Variants in ACSM3 observed in about 807,000 individuals in gnomAD.
ACSM3 encodes the protein acyl-coenzyme A synthetase ACSM3, mitochondrial.
In ACSM3, 61 loss-of-function variants were observed where a neutral mutation model predicts 74.1. That is an observed-to-expected ratio of 0.82 (90% CI 0.67 to 1.02). The LOEUF (loss-of-function observed/expected upper bound fraction) is 1.02, where lower values mean the gene tolerates loss of function less well. ACSM3 is among the 50% of genes least tolerant of loss of function. The pLI is 0.00. For synonymous variants in ACSM3, 213 were observed against 241.5 expected, an observed-to-expected ratio of 0.88 and a Z score of 1.09; for missense variants, 660 against 697.0, an observed-to-expected ratio of 0.95 and a Z score of 0.60.
intron 1 of ACSM3, among the ~76,000 whole-genome samples, chr16:20,712,118 C>A (rs1475951108): frequency 6.6e-6 from 1 of 152,132 alleles, no homozygotes; most frequent in African/African-American, 2.4e-5. Context: ...CCCAGCCTCG[C>A]AAGTAGCTGG....
chr16:20,744,261 T>C (rs1211517421), intron 1 of ACSM3, among the ~76,000 whole-genome samples: 1 of 152,218 alleles, frequency 6.6e-6, no homozygotes, highest in African/African-American at 2.4e-5. Flanking sequence ...CCATACATAG[T>C]GAACTATAAC....
At chr16:20,777,996 T>G (rs979505107) in intron 4 of ACSM3, among the ~76,000 whole-genome samples, 1 of 152,152 alleles carries the variant, frequency 6.6e-6, no homozygotes, top group Non-Finnish European at 1.5e-5. Context: ...ATACCCACAT[T>G]GATCAGTAAT....
chr16:20,737,894 G>T, intron 1 of ACSM3: 1 of 1,613,514 alleles, frequency 6.2e-7, no homozygotes, highest in Non-Finnish European at 8.5e-7. Flanking sequence ...AAAATAACTC[G>T]AGTCTTCTTT....
chr16:20,776,592 C>A (rs2080258487), intron 3 of ACSM3, among the ~76,000 whole-genome samples: 1 of 152,194 alleles, frequency 6.6e-6, no homozygotes, highest in Non-Finnish European at 1.5e-5. Context: ...ATACCCAAAG[C>A]TTACTGAGCA....
In ACSM3 at chr16:20,777,581, G is replaced by A; in HGVS notation, c.638+1G>A. On this transcript the variant is annotated splice_donor_variant, in intron 4 of 13. Transcript: ENST00000289416. LOFTEE classifies it high-confidence loss of function. The stretch of plus-strand genomic sequence containing the variant: ...GGGGGAACCTCAAGGAGTTGATGAA[G>A]TGAGTAGCCACACTTGTTGTAAAAC... The A allele has an allele frequency of 6.2e-7, 1 of 1,611,942 alleles. No homozygotes were observed. The highest frequency in any genetic ancestry group is 8.5e-7 in the Non-Finnish European group (1 of 1,178,232).
At chr16:20,701,634 C>T (rs917968812) in intron 1 of ACSM3, among the ~76,000 whole-genome samples, 9 of 152,130 alleles carry the variant, frequency 5.9e-5, no homozygotes, top group African/African-American at 1.9e-4. Flanking sequence ...ATCAATCCGT[C>T]ATCTAGGTTT....
chr16:20,773,287 G>T (rs546175938), intron 2 of ACSM3, among the ~76,000 whole-genome samples: 2 of 151,910 alleles, frequency 1.3e-5, no homozygotes, highest in South Asian at 4.2e-4. Flanking sequence ...CTAAAGATTT[G>T]TCTATTTTGT....
chr16:20,685,188 C>A, intron 1 of ACSM3: 1 of 1,614,178 alleles, frequency 6.2e-7, no homozygotes, highest in African/African-American at 1.3e-5. Context: ...TCTTGCATCA[C>A]TGACCTGTTC....
intron 1 of ACSM3, among the ~76,000 whole-genome samples, chr16:20,729,023 G>C (rs530719038): frequency 6.6e-6 from 1 of 152,316 alleles, no homozygotes; most frequent in African/African-American, 2.4e-5. Context: ...CGACAGGATT[G>C]CTACAGCCTG....
intron 1 of ACSM3, among the ~76,000 whole-genome samples, chr16:20,686,443 G>A (rs1431505907): frequency 1.3e-5 from 2 of 152,014 alleles, no homozygotes; most frequent in Non-Finnish European, 2.9e-5. Context: ...CACAGGCAGG[G>A]GAACAACACA....
chr16:20,767,409 C>T lies in ACSM3; in HGVS notation c.-51-2575C>T, dbSNP rs2152452587. On this transcript the variant is annotated intron_variant, in intron 1 of 13. Coordinates refer to ENST00000289416, the MANE Select transcript of ACSM3 (RefSeq NM_005622.4). ...GCGGGCGCCTGTAGTCCCAGCTACT[C>T]GGGAGGCTGAGGCAGGAGAATGGCG... 3.7e-5 allele frequency among the ~76,000 whole-genome samples: 2 copies of T among 54,780 alleles called. 1 individual carries two copies. The highest frequency in any genetic ancestry group is 1.3e-4 in the African/African-American group (2 of 15,380). The allele number at this position is 54,780 out of a possible 152,430, so 35.9% of individuals were successfully genotyped here.
At chr16:20,675,865 C>T (rs1318021396) in intron 1 of ACSM3, among the ~76,000 whole-genome samples, 3 of 152,196 alleles carry the variant, frequency 2.0e-5, no homozygotes, top group African/African-American at 4.8e-5. Flanking sequence ...GCTGCGCTGG[C>T]GGCTACGGAG....
intron 8 of ACSM3, 60 bp from the exon 9 acceptor site, chr16:20,786,018 T>C (rs1483734623): frequency 8.3e-7 from 1 of 1,200,800 alleles, no homozygotes; most frequent in Non-Finnish European, 1.2e-6. Context: ...GAATGCATGA[T>C]AGATGAATAA....
chr16:20,777,277 C>T, intron 3 of ACSM3, 96 bp from the exon 4 acceptor site: 2 of 1,161,854 alleles, frequency 1.7e-6, no homozygotes, highest in Non-Finnish European at 2.4e-6. Context: ...CTAACTCACT[C>T]TGAGAAATAC....
intron 1 of ACSM3, among the ~76,000 whole-genome samples, chr16:20,707,221 C>G (rs969677087): frequency 6.6e-6 from 1 of 152,210 alleles, no homozygotes; most frequent in Non-Finnish European, 1.5e-5. Context: ...AATCTCAACT[C>G]CAACTTAGCT....
rs570289227 is a variant in ACSM3 at position 20,793,978 on chromosome 16, G to A, written c.1554+1643G>A. On this transcript the variant is annotated intron_variant, in intron 12 of 13. Transcript: ENST00000289416. ...TGGGTTGTGGTCCCCTCACAGCTCC[G>A]GGGGCTTGGCATAGGGCTTGGATTA... is the stretch of plus-strand genomic sequence containing the variant. Among the ~76,000 whole-genome samples, 460 of 152,288 alleles carry A rather than the reference G, an allele frequency of 3.0e-3. 1 individual carries two copies. The highest frequency in any genetic ancestry group is 4.9e-3 in the Admixed American group (75 of 15,298).
intron 12 of ACSM3, 88 bp from the exon 13 acceptor site, chr16:20,796,282 A>G (rs2080721926): frequency 6.5e-7 from 1 of 1,544,356 alleles, no homozygotes; most frequent in Non-Finnish European, 8.7e-7. Context: ...CCCACCAGGC[A>G]TGTAGATTCT....
chr16:20,706,890 A>AT (rs1388800851), intron 1 of ACSM3, among the ~76,000 whole-genome samples: 2 of 152,042 alleles, frequency 1.3e-5, no homozygotes, highest in African/African-American at 4.8e-5. Flanking sequence ...CTAGGGCAGG[A>AT]TTTTGGATTT....
At chr16:20,760,441 A>G (rs2356268), upstream of ACSM3, among the ~76,000 whole-genome samples, 94,402 of 152,004 alleles carry the variant, frequency 0.62, 30,435 homozygotes, top group Non-Finnish European at 0.72. Context: ...ATCTTAAGGC[A>G]GGAACCATGT....
Sources: gnomAD v4.1 joint callset for allele counts (sites outside exome capture counted in the v4.1 genomes callset) on GRCh38, gnomAD v4.1.1 for gene constraint, MANE v1.5 for transcripts, NCBI Gene and HGNC (gene_info 2026-07-23, HGNC 2026-07-21) for gene names.